The following TMCC1 variants were observed in gnomAD, a reference collection of about 807,000 sequenced individuals.
TMCC1 encodes transmembrane and coiled-coil domain family 1, also known as transmembrane and coiled-coil domains protein 1.
TMCC1 carries 15 observed loss-of-function variants against 52.4 expected under a neutral mutation model. The ratio of observed to expected loss-of-function variants is 0.29; its 90% CI spans 0.19 to 0.44. The LOEUF (loss-of-function observed/expected upper bound fraction) is 0.44. Ranked by LOEUF, TMCC1 falls within the 20% of genes least tolerant of loss-of-function variation. The pLI, the probability that TMCC1 is intolerant of heterozygous loss-of-function variation, is 1.00. For missense variants in TMCC1, 503 were observed against 806.0 expected, an observed-to-expected ratio of 0.62 and a Z score of 4.55; for synonymous variants, 279 against 301.9, an observed-to-expected ratio of 0.92 and a Z score of 0.79.
chr3:129,703,102 G>C (rs1224919348), intron 4 of TMCC1, among the ~76,000 whole-genome samples: 3 of 152,142 alleles, frequency 2.0e-5, no homozygotes, highest in Non-Finnish European at 4.4e-5. Flanking sequence ...GCTTGGGAGC[G>C]GGGATAAACC....
At chr3:129,859,031 T>C (rs1256393249) in intron 2 of TMCC1, among the ~76,000 whole-genome samples, 1 of 152,172 alleles carries the variant, frequency 6.6e-6, no homozygotes, top group Non-Finnish European at 1.5e-5. Context: ...GGTAAACTAA[T>C]AGAAAAATAA....
At chr3:129,779,970 T>G (rs1368115313) in intron 4 of TMCC1, among the ~76,000 whole-genome samples, 1 of 152,166 alleles carries the variant, frequency 6.6e-6, no homozygotes, top group South Asian at 2.1e-4. Flanking sequence ...ATCATATTTC[T>G]GATATTGAAA....
chr3:129,881,111 C>A (rs551176637), intron 1 of TMCC1, among the ~76,000 whole-genome samples: 42 of 152,182 alleles, frequency 2.8e-4, no homozygotes, highest in Non-Finnish European at 5.1e-4. Flanking sequence ...ATCCCCCTGC[C>A]TCGGCCTCCC....
At chr3:129,746,579 T>C (rs2051994504) in intron 4 of TMCC1, among the ~76,000 whole-genome samples, 1 of 152,232 alleles carries the variant, frequency 6.6e-6, no homozygotes, top group Admixed American at 6.5e-5. Context: ...ACATTTATAC[T>C]CTGCCTCACT....
intron 4 of TMCC1, among the ~76,000 whole-genome samples, chr3:129,776,319 G>T (rs1409240663): frequency 6.6e-6 from 1 of 152,126 alleles, no homozygotes. Context: ...TTCAATAAAT[G>T]TTTGCTGAAT....
chr3:129,792,464 C>T (rs559641582), intron 4 of TMCC1, among the ~76,000 whole-genome samples: 5 of 152,126 alleles, frequency 3.3e-5, no homozygotes, highest in Admixed American at 2.6e-4. Context: ...TCTCCTGCGT[C>T]GTCAGCCTCC....
intron 4 of TMCC1, among the ~76,000 whole-genome samples, chr3:129,766,689 C>T (rs553990960): frequency 9.9e-4 from 150 of 151,950 alleles, no homozygotes; most frequent in African/African-American, 3.4e-3. Flanking sequence ...AGCACAATCT[C>T]CGCTCACTGC....
intron 4 of TMCC1, among the ~76,000 whole-genome samples, chr3:129,735,626 G>A (rs1391070133): frequency 1.4e-5 from 2 of 142,852 alleles, no homozygotes; most frequent in Non-Finnish European, 3.0e-5. Flanking sequence ...TCCAGCCTGG[G>A]CGACAGAGCC....
intron 4 of TMCC1, among the ~76,000 whole-genome samples, chr3:129,718,443 C>T (rs968796257): frequency 1.3e-5 from 2 of 152,186 alleles, no homozygotes; most frequent in African/African-American, 4.8e-5. Context: ...CAGTAAAAAG[C>T]GATCTCTTGA....
At chr3:129,871,365 CAAAAAAAAAAAA>C (rs908333351) in intron 2 of TMCC1, among the ~76,000 whole-genome samples, 2 of 49,828 alleles carry the variant, frequency 4.0e-5, no homozygotes, top group African/African-American at 1.5e-4. Context: ...GACGCTGTCT[CAAAAAAAAAAAA>C]AAAAAAAAAA....
At chr3:129,808,108 G>A (rs1452235037) in intron 4 of TMCC1, among the ~76,000 whole-genome samples, 1 of 123,170 alleles carries the variant, frequency 8.1e-6, no homozygotes, top group Admixed American at 9.3e-5. Context: ...GTCGGGGGTG[G>A]GGGGTCAAGG....
chr3:129,876,134 C>CAA (rs374132880), intron 2 of TMCC1, among the ~76,000 whole-genome samples: 4 of 77,414 alleles, frequency 5.2e-5, no homozygotes, highest in African/African-American at 1.5e-4. Context: ...GATTTCATCT[C>CAA]AAAAAAAAAA....
intron 4 of TMCC1, among the ~76,000 whole-genome samples, chr3:129,788,501 C>T (rs1037926133): frequency 2.0e-5 from 3 of 151,752 alleles, no homozygotes; most frequent in Admixed American, 6.6e-5. Context: ...GTTGCTCTGT[C>T]GCCCAGAGTG....
At chr3:129,847,986 T>C (rs1236269116) in intron 2 of TMCC1, 1 of 152,200 alleles carries the variant, frequency 6.6e-6, no homozygotes, top group Admixed American at 6.5e-5. Flanking sequence ...TTTATTCAAA[T>C]TGTTTCCCCC....
At chr3:129,855,276 GTTT>G (rs1339230950) in intron 2 of TMCC1, among the ~76,000 whole-genome samples, 2 of 151,996 alleles carry the variant, frequency 1.3e-5, no homozygotes. Flanking sequence ...CTATAAATTA[GTTT>G]TTTGAGTTTT....
intron 4 of TMCC1, among the ~76,000 whole-genome samples, chr3:129,682,069 CTT>C (rs889360714): frequency 5.3e-5 from 8 of 151,904 alleles, no homozygotes; most frequent in African/African-American, 1.2e-4. Context: ...TAACTGAAAA[CTT>C]AAGTTTTTCT....
chr3:129,703,659 G>A (rs142913987), intron 4 of TMCC1, among the ~76,000 whole-genome samples: 3 of 152,284 alleles, frequency 2.0e-5, no homozygotes, highest in African/African-American at 7.2e-5. Context: ...GAAGAGACAA[G>A]AAGAATTGCC....
At chr3:129,677,594 T>A (rs991034889) in intron 4 of TMCC1, among the ~76,000 whole-genome samples, 1 of 152,204 alleles carries the variant, frequency 6.6e-6, no homozygotes, top group African/African-American at 2.4e-5. Flanking sequence ...CTTAGCTTAA[T>A]TCTATTTATT....
chr3:129,660,282 G>T (rs1164825519), intron 5 of TMCC1, among the ~76,000 whole-genome samples: 1 of 152,102 alleles, frequency 6.6e-6, no homozygotes, highest in African/African-American at 2.4e-5. Flanking sequence ...CAAGCAGCTG[G>T]GACTACAGGC....
Sources: allele counts gnomAD v4.1 joint callset (sites outside exome capture counted in the v4.1 genomes callset), GRCh38; gene constraint gnomAD v4.1.1; transcripts MANE v1.5; gene names NCBI Gene and HGNC (gene_info 2026-07-23, HGNC 2026-07-21).